Variants in SLC9A1 observed in about 807,000 individuals in gnomAD.
The protein encoded by SLC9A1 is solute carrier family 9 member A1.
SLC9A1 carries 22 observed loss-of-function variants against 67.9 expected under a neutral mutation model. That is an observed-to-expected ratio of 0.32 (90% confidence interval 0.23 to 0.46). The LOEUF (loss-of-function observed/expected upper bound fraction) is 0.46. Among genes scored for constraint, SLC9A1 ranks in the 20% least tolerant of loss-of-function variants. SLC9A1 has a pLI of 1.00. For synonymous variants in SLC9A1, 421 were observed against 471.8 expected, an observed-to-expected ratio of 0.89 and a Z score of 1.40; for missense variants, 686 against 1,094.8, an observed-to-expected ratio of 0.63 and a Z score of 5.27.
rs1224820565 is a variant in SLC9A1 at position 27,102,150 on chromosome 1, G to T, written c.1821-20C>A. 6 of 1,581,604 alleles carry T rather than the reference G, an allele frequency of 3.8e-6. No homozygotes were observed. Among genetic ancestry groups the T allele is most frequent in the Non-Finnish European group, 5.2e-6 (6 of 1,150,684 alleles). ...ATGTTCCTGGGGCAATAGGGCATCGGTTAGGTCCCCAAGATTCTTGGGATC... is the reference window on the plus strand; with the variant it reads ...ATGTTCCTGGGGCAATAGGGCATCGTTTAGGTCCCCAAGATTCTTGGGATC... On this transcript the variant is annotated intron_variant, in intron 8 of 11. Transcript: ENST00000263980.
rs1364003931 is a variant in SLC9A1, at chr1:27,106,996, A to C, written c.1282+652T>G. Among the ~76,000 whole-genome samples, 1 of 151,472 alleles carries C rather than the reference A, an allele frequency of 6.6e-6. No individual in the cohort carries two copies. The highest frequency in any genetic ancestry group is 1.5e-5 in the Non-Finnish European group (1 of 67,846). The stretch of plus-strand genomic sequence containing the variant: ...GCTTCTCCCTGCTGAAGGGCCCATC[A>C]TGGAAATGGGAAGTCCCTCCTGTCT... On this transcript the variant is annotated intron_variant, in intron 4 of 11. Transcript: ENST00000263980. This position sits in a 1 kb window ranked among gnomAD's most constrained non-coding sequence, Gnocchi z 4.3.
intron 1 of SLC9A1, among the ~76,000 whole-genome samples, chr1:27,121,116 C>T (rs564793070): frequency 4.5e-4 from 69 of 152,182 alleles, no homozygotes; most frequent in Admixed American, 2.0e-4. Context: ...TCCCCATACC[C>T]GGGCAATCAG....
At chr1:27,130,189 C>G (rs980518075) in intron 1 of SLC9A1, among the ~76,000 whole-genome samples, 1 of 152,232 alleles carries the variant, frequency 6.6e-6, no homozygotes, top group African/African-American at 2.4e-5. Context: ...CAACCTCCGC[C>G]TCCTGGGTTC....
Position 27,102,524 on chromosome 1 carries a change from A to G in SLC9A1, c.1681T>C (p.Cys561Arg), listed in dbSNP as rs1234659536. The change falls in exon 8 of 12, where the codon TGT (cysteine) becomes CGT (arginine). Residue 561 changes from cysteine to arginine, a missense_variant. By Grantham distance (180) the Cys-to-Arg change is radical (BLOSUM62 -3). This residue lies in a region of SLC9A1 where 168 missense variants were observed against 375.4 expected (regional missense o/e 0.45). Transcript: ENST00000263980. ...TTGGAGCGCTCGCCAGCTATCAGAC[A>G]CTTCTTCACATATTTCTTATTAAAC... ...NRFNKKYVKK[C>R]LIAGERSKEP... The G allele has an allele frequency of 3.1e-6, 5 of 1,607,606 alleles. No individual in the cohort carries two copies. Among genetic ancestry groups the G allele is most frequent in the Non-Finnish European group, 4.3e-6 (5 of 1,174,860 alleles).
intron 1 of SLC9A1, among the ~76,000 whole-genome samples, chr1:27,115,194 A>G (rs1046307406): frequency 2.6e-5 from 4 of 152,054 alleles, no homozygotes; most frequent in African/African-American, 9.7e-5. Context: ...CTTCCCTCCC[A>G]TCAAGGCCTC....
intron 1 of SLC9A1, among the ~76,000 whole-genome samples, chr1:27,136,421 GC>G (rs2083420789): frequency 6.6e-6 from 1 of 152,190 alleles, no homozygotes; most frequent in African/African-American, 2.4e-5. Context: ...CCTGGGCTTG[GC>G]CCCGCCCACT....
rs111299477 is a variant in SLC9A1 at position 27,122,519 on chromosome 1, T to C, written c.353-8233A>G. On this transcript the variant is annotated intron_variant, in intron 1 of 11. Coordinates refer to ENST00000263980, the MANE Select transcript of SLC9A1 (RefSeq NM_003047.5). ...GGCACACAGGCCTGACCCGGGCAGA[T>C]CAAGGAAGGAACTGAGTCAAGGAGC... Among the ~76,000 whole-genome samples the C allele has an allele frequency of 8.2e-3, 1,248 of 152,098 alleles. 20 individuals are homozygous for C. Among genetic ancestry groups the C allele is most frequent in the African/African-American group, 0.028 (1,159 of 41,458 alleles).
At chr1:27,153,541 C>T (rs1020523560) in intron 1 of SLC9A1, among the ~76,000 whole-genome samples, 1 of 152,192 alleles carries the variant, frequency 6.6e-6, no homozygotes, top group Non-Finnish European at 1.5e-5. Flanking sequence ...AAATATACTC[C>T]ATCCTGGAAC....
At chr1:27,131,430 C>CA in intron 1 of SLC9A1, among the ~76,000 whole-genome samples, 1 of 44,356 alleles carries the variant, frequency 2.3e-5, no homozygotes, top group Non-Finnish European at 4.3e-5. Flanking sequence ...CCCGTCTCTA[C>CA]TAAAAATACA....
At position 27,107,837 on chromosome 1, in the gene SLC9A1, G is replaced by C; in HGVS notation, c.1093C>G (p.Pro365Ala). 1 of 1,606,780 alleles carries C rather than the reference G, an allele frequency of 6.2e-7. No homozygotes were observed. ...ALIASGVVMRPYVEANISHKS... is the reference protein window; with the variant it reads ...ALIASGVVMRAYVEANISHKS... Reference sequence around the variant, plus strand: ...TGGGAGATGTTGGCCTCCACATAGGGGCGCATCACCACTCCTGAGGCTATG... The same window carrying C: ...TGGGAGATGTTGGCCTCCACATAGGCGCGCATCACCACTCCTGAGGCTATG... Residue 365 changes from proline (P) to alanine (A), a missense_variant, in exon 4 of 12, where the codon CCC becomes GCC. Pro to Ala is a conservative substitution (Grantham distance 27). Transcript: ENST00000263980.
rs1477824500 is a variant in SLC9A1, at chr1:27,100,553, A to C, written c.2202T>G (p.Asn734Lys). ...CTAAGACTTTGCCCTTCAGCTCTTC[A>C]TTCACCAGGTCCACAGACTCGGGTG... ...PQSPESVDLV[N>K]EELKGKVLGL... Residue 734 changes from asparagine (N) to lysine (K), a missense_variant, in exon 12 of 12, where the codon AAT (asparagine) becomes AAG (lysine). Asn to Lys is a moderately conservative substitution (Grantham distance 94). Around this residue, in one of 7 missense-constraint regions of SLC9A1, gnomAD observed 226 missense variants for 282.4 expected, o/e 0.80. Transcript: ENST00000263980. This position sits in a 1 kb window ranked among gnomAD's most constrained non-coding sequence, Gnocchi z 5.6. 1 of 1,613,854 alleles carries C rather than the reference A, an allele frequency of 6.2e-7. No homozygotes were observed. Among genetic ancestry groups the C allele is most frequent in the East Asian group, 2.2e-5 (1 of 44,886 alleles).
chr1:27,127,481 AG>A (rs1326593670), intron 1 of SLC9A1, among the ~76,000 whole-genome samples: 1 of 152,222 alleles, frequency 6.6e-6, no homozygotes, highest in African/African-American at 2.4e-5. Flanking sequence ...GTAGCAGCGG[AG>A]GCAGGTCCCA....
At chr1:27,149,610 G>C (rs2083513315) in intron 1 of SLC9A1, among the ~76,000 whole-genome samples, 1 of 152,190 alleles carries the variant, frequency 6.6e-6, no homozygotes, top group Admixed American at 6.5e-5. Flanking sequence ...TCCCAAAAGG[G>C]GAAGAATCTG....
intron 8 of SLC9A1, 110 bp from the exon 9 acceptor site, chr1:27,102,240 C>A: frequency 7.5e-7 from 1 of 1,324,790 alleles, no homozygotes; most frequent in South Asian, 1.2e-5. Flanking sequence ...GGCGCCAAAG[C>A]CTCAGGTCCT....
chr1:27,139,596 G>A (rs2083441417), intron 1 of SLC9A1, among the ~76,000 whole-genome samples: 1 of 151,212 alleles, frequency 6.6e-6, no homozygotes, highest in African/African-American at 2.5e-5. Flanking sequence ...GGTGCTCAGT[G>A]CCCCACAGGT....
At chr1:27,142,436 T>A (rs2083458451) in intron 1 of SLC9A1, among the ~76,000 whole-genome samples, 1 of 152,230 alleles carries the variant, frequency 6.6e-6, no homozygotes, top group African/African-American at 2.4e-5. Flanking sequence ...TATACTTTCA[T>A]TCCTAGAAGC....
At chr1:27,149,340 T>C (rs1246382133) in intron 1 of SLC9A1, among the ~76,000 whole-genome samples, 1 of 152,260 alleles carries the variant, frequency 6.6e-6, no homozygotes, top group African/African-American at 2.4e-5. Context: ...ATAACCTCTC[T>C]GAGCCATTTC....
chr1:27,136,385 T>A (rs2083420590), intron 1 of SLC9A1, among the ~76,000 whole-genome samples: 1 of 152,134 alleles, frequency 6.6e-6, no homozygotes, highest in Non-Finnish European at 1.5e-5. Flanking sequence ...TGGCCCACAA[T>A]AAGGGAATTT....
rs2083551987 is a variant in SLC9A1, at chr1:27,154,350, G to A, written c.-16C>T. 1.3e-6 allele frequency: 2 copies of A among 1,545,022 alleles called. No individual in the cohort carries two copies. The highest frequency in any genetic ancestry group is 2.3e-5 in the East Asian group (1 of 44,074). On this transcript the variant is annotated 5_prime_UTR_variant, in exon 1 of 12. Coordinates refer to ENST00000263980, the MANE Select transcript of SLC9A1 (RefSeq NM_003047.5). ...GCAGAACCATGGTGCTGCTTCCAGA[G>A]CCAGCCTCGACCTTACCCAAATGAG...
Sources: gnomAD v4.1 joint callset for allele counts (sites outside exome capture counted in the v4.1 genomes callset) on GRCh38, gnomAD v4.1.1 for gene constraint, gnomAD v4.1.1 regional missense constraint, Gnocchi (gnomAD v3.1) non-coding constraint, MANE v1.5 for transcripts, NCBI Gene and HGNC (gene_info 2026-07-23, HGNC 2026-07-21) for gene names.